SYNE1: variants seen among roughly 807,000 people sequenced by gnomAD.
SYNE1 encodes the protein nesprin-1.
Under a neutral mutation model 1,111.0 loss-of-function variants are expected in SYNE1, and 616 were observed. The ratio of observed to expected loss-of-function variants is 0.55; its 90% CI spans 0.52 to 0.59. The LOEUF (loss-of-function observed/expected upper bound fraction) is 0.59. Among genes scored for constraint, SYNE1 ranks in the 20% least tolerant of loss-of-function variants. The pLI is 0.00. For missense variants in SYNE1, 10,006 were observed against 10,417.0 expected (o/e 0.96, Z 1.72); for synonymous variants, 3,855 against 3,825.8 (o/e 1.01, Z -0.28).
intron 39 of SYNE1, among the ~76,000 whole-genome samples, chr6:152,424,082 T>C (rs2098313616): frequency 6.6e-6 from 1 of 152,202 alleles, no homozygotes. Flanking sequence ...CTCCACACCA[T>C]GGACCTGCCT....
intron 3 of SYNE1, among the ~76,000 whole-genome samples, chr6:152,564,762 C>T (rs573642611): frequency 3.7e-4 from 57 of 152,244 alleles, no homozygotes; most frequent in African/African-American, 1.3e-3. Context: ...CCTCAACAGA[C>T]TTTGGGGTCT....
Position 152,318,974 on chromosome 6 carries a change from C to T in SYNE1, c.16278G>A (p.Thr5426=), listed in dbSNP as rs779112403. ...GAATTTGCCGGCTGAGTTCCTGGCTCGTGGCCTTGCTCTGCTCAACTTCTT... is the reference window on the plus strand; with the variant it reads ...GAATTTGCCGGCTGAGTTCCTGGCTTGTGGCCTTGCTCTGCTCAACTTCTT... ...KIKEVEQSKA[T]SQELSRQIQK... The change falls in exon 85 of 146, where the codon ACG becomes ACA. Residue 5426 remains threonine (T), a synonymous_variant. Coordinates refer to ENST00000367255, the MANE Select transcript of SYNE1 (RefSeq NM_182961.4). 2.3e-4 allele frequency: 374 copies of T among 1,614,038 alleles called. 1 individual carries two copies. The highest frequency in any genetic ancestry group is 3.1e-4 in the Non-Finnish European group (365 of 1,180,052).
chr6:152,262,324 A>G, intron 100 of SYNE1, 136 bp from the exon 101 acceptor site: 1 of 812,176 alleles, frequency 1.2e-6, no homozygotes, highest in Non-Finnish European at 2.0e-6. Context: ...CTTTAAAAAT[A>G]ACAAAAATGT....
intron 4 of SYNE1, among the ~76,000 whole-genome samples, chr6:152,536,749 C>T (rs971883734): frequency 6.6e-6 from 1 of 151,874 alleles, no homozygotes; most frequent in African/African-American, 2.4e-5. Flanking sequence ...ATTCCTTCCC[C>T]TCCAAGATTC....
intron 104 of SYNE1, among the ~76,000 whole-genome samples, chr6:152,250,658 C>A (rs934165668): frequency 1.3e-5 from 2 of 152,126 alleles, no homozygotes; most frequent in Admixed American, 6.5e-5. Flanking sequence ...ATAATAACAG[C>A]CCTGGAAAAA....
intron 101 of SYNE1, among the ~76,000 whole-genome samples, chr6:152,259,762 C>G (rs1360577511): frequency 1.3e-5 from 2 of 152,192 alleles, no homozygotes; most frequent in Non-Finnish European, 2.9e-5. Flanking sequence ...CTTCTTCCCT[C>G]TCTTTTCCTT....
intron 14 of SYNE1, among the ~76,000 whole-genome samples, chr6:152,475,793 G>A (rs1267527989): frequency 1.3e-5 from 2 of 152,318 alleles, no homozygotes; most frequent in Middle Eastern, 3.4e-3. Flanking sequence ...AGGGCTGCAG[G>A]AATGGTCTTT....
chr6:152,370,241 AT>A (rs776399544), intron 59 of SYNE1, among the ~76,000 whole-genome samples: 1 of 151,988 alleles, frequency 6.6e-6, no homozygotes, highest in Non-Finnish European at 1.5e-5. Flanking sequence ...ACTAGGTTGG[AT>A]TGTGAATTTT....
At chr6:152,608,356 TCTAA>T (rs2099622009) in intron 3 of SYNE1, among the ~76,000 whole-genome samples, 2 of 152,178 alleles carry the variant, frequency 1.3e-5, no homozygotes, top group African/African-American at 4.8e-5. Context: ...CCTCAATAGC[TCTAA>T]CTATTTATAA....
At position 152,373,239 on chromosome 6, in the gene SYNE1, A is replaced by G; in HGVS notation, c.9325-20T>C. Reference sequence around the variant, plus strand: ...AAACTCCTATAAAAGAAAATATAGAATTAGCCATAATGAAAATATTGTGTG... The same window carrying G: ...AAACTCCTATAAAAGAAAATATAGAGTTAGCCATAATGAAAATATTGTGTG... On this transcript the variant is annotated intron_variant, in intron 58 of 145. Coordinates refer to ENST00000367255, the MANE Select transcript of SYNE1 (RefSeq NM_182961.4). The G allele has an allele frequency of 6.3e-7, 1 of 1,592,694 alleles. No individual in the cohort carries two copies. The highest frequency in any genetic ancestry group is 8.5e-7 in the Non-Finnish European group (1 of 1,170,944).
intron 72 of SYNE1, 56 bp downstream of exon 72, chr6:152,350,112 G>GA: frequency 6.2e-7 from 1 of 1,606,192 alleles, no homozygotes; most frequent in South Asian, 1.1e-5. Flanking sequence ...ACAGACACAT[G>GA]CGTACACACA....
chr6:152,414,430 C>A (rs1266726937), intron 41 of SYNE1, among the ~76,000 whole-genome samples: 1 of 151,844 alleles, frequency 6.6e-6, no homozygotes, highest in Non-Finnish European at 1.5e-5. Context: ...AAAGTGGCCA[C>A]AAAGAGGCAG....
chr6:152,302,114 C>T (rs1304865886), intron 91 of SYNE1, 51 bp from the exon 92 acceptor site: 4 of 1,611,438 alleles, frequency 2.5e-6, no homozygotes, highest in African/African-American at 1.3e-5. Flanking sequence ...CAAAAGGAAA[C>T]AGAAGTAGTA....
Position 152,367,383 on chromosome 6 carries a change from C to T in SYNE1, c.9808-1G>A. 1 of 1,613,944 alleles carries T rather than the reference C, an allele frequency of 6.2e-7. No individual in the cohort carries two copies. The highest frequency in any genetic ancestry group is 8.5e-7 in the Non-Finnish European group (1 of 1,180,024). On this transcript the variant is annotated splice_acceptor_variant, in intron 61 of 145. Transcript: ENST00000367255. LOFTEE classifies it high-confidence loss of function. ...TTCTATCCAGTCTTGACACTTTCTC[C>T]TGGAAATGACAGAAATGGTTTTCGA...
chr6:152,501,521 G>C (rs1023491366), intron 10 of SYNE1, among the ~76,000 whole-genome samples: 15 of 152,310 alleles, frequency 9.8e-5, no homozygotes, highest in African/African-American at 3.6e-4. Context: ...GATCACTTGA[G>C]GTCAGGAGTC....
intron 3 of SYNE1, among the ~76,000 whole-genome samples, chr6:152,562,427 A>G (rs2099398000): frequency 6.6e-6 from 1 of 152,158 alleles, no homozygotes; most frequent in Admixed American, 6.5e-5. Flanking sequence ...AGAAAAGGGA[A>G]CCCTTGGACA....
At chr6:152,561,191 G>T (rs917574754) in intron 3 of SYNE1, among the ~76,000 whole-genome samples, 1 of 151,936 alleles carries the variant, frequency 6.6e-6, no homozygotes, top group South Asian at 2.1e-4. Context: ...CAAAAAAATG[G>T]TTATAACTGA....
chr6:152,344,146 C>T lies in SYNE1; in HGVS notation c.12160G>A (p.Ala4054Thr). 1 of 1,614,216 alleles carries T rather than the reference C, an allele frequency of 6.2e-7. No individual in the cohort carries two copies. The highest frequency in any genetic ancestry group is 8.5e-7 in the Non-Finnish European group (1 of 1,180,028). Residue 4054 changes from alanine to threonine, a missense_variant, in exon 74 of 146, where the codon GCA (alanine) becomes ACA (threonine). By Grantham distance (58) the Ala-to-Thr change is moderately conservative (BLOSUM62 0). Transcript: ENST00000367255. ...CTTGGCTCTAAATCCGGCTGGACTG[C>T]AGAAAGCCAGGCCTGGCACTGCTGC... Reference protein sequence around the residue: ...TLQQCQAWLSAVQPDLEPSPQ... With the variant: ...TLQQCQAWLSTVQPDLEPSPQ...
chr6:152,628,214 G>T (rs533247286), intron 3 of SYNE1, 51 bp downstream of exon 3: 1 of 1,583,008 alleles, frequency 6.3e-7, no homozygotes, highest in Non-Finnish European at 8.7e-7. Context: ...ACTGATTGTG[G>T]GTTAAGATGG....
Sources: allele counts gnomAD v4.1 joint callset (sites outside exome capture counted in the v4.1 genomes callset), GRCh38; gene constraint gnomAD v4.1.1; transcripts MANE v1.5; gene names NCBI Gene and HGNC (gene_info 2026-07-23, HGNC 2026-07-21).